STK16: variants seen among roughly 807,000 people sequenced by gnomAD.
The protein encoded by STK16 is serine/threonine-protein kinase 16.
A neutral mutation model predicts 37.8 loss-of-function variants in STK16; 28 were observed. The observed-to-expected ratio is 0.74, with a 90% CI of 0.55 to 1.02. The LOEUF (loss-of-function observed/expected upper bound fraction) is 1.02. STK16 is among the 50% of genes least tolerant of loss of function. STK16 has a pLI of 0.00. For missense variants in STK16, 349 were observed against 390.6 expected, an observed-to-expected ratio of 0.89 and a Z score of 0.90; for synonymous variants, 134 against 155.0, an observed-to-expected ratio of 0.86 and a Z score of 1.01.
Position 219,246,411 on chromosome 2 carries a change from G to T in STK16, c.87-246G>T, listed in dbSNP as rs966394456. 6 of 614,062 alleles carry T rather than the reference G, an allele frequency of 9.8e-6. No individual in the cohort carries two copies. The highest frequency in any genetic ancestry group is 9.3e-5 in the African/African-American group (5 of 53,884). The allele number at this position is 614,062 out of a possible 1,614,324, so 38.0% of individuals were successfully genotyped here. ...GTTGACAAGTACTTGATAAGTGTTGGCTATTATTTATTTAGCATCTGTCAA... is the reference window on the plus strand; with the variant it reads ...GTTGACAAGTACTTGATAAGTGTTGTCTATTATTTATTTAGCATCTGTCAA... On this transcript the variant is annotated intron_variant, in intron 2 of 7. Transcript: ENST00000396738. The surrounding 1 kb of genome is among the most constrained non-coding windows in gnomAD (Gnocchi z 4.5).
At chr2:219,247,835 G>A in intron 6 of STK16, 78 bp downstream of exon 6, 1 of 1,428,358 alleles carries the variant, frequency 7.0e-7, no homozygotes, top group Non-Finnish European at 9.6e-7. Context: ...TAGGTTGTTG[G>A]TTTCTGTTGC....
At chr2:219,247,319 G>T (rs1345790783) in intron 4 of STK16, 73 bp downstream of exon 4, 3 of 1,609,378 alleles carry the variant, frequency 1.9e-6, no homozygotes, top group East Asian at 4.5e-5. Context: ...GGAGGTCTCT[G>T]TTCTCCCAAG....
chr2:219,247,914 C>A (rs1489190281), intron 6 of STK16, 157 bp downstream of exon 6: 1 of 849,284 alleles, frequency 1.2e-6, no homozygotes, highest in Admixed American at 2.0e-5. Flanking sequence ...GTCACTGATA[C>A]TGTACCCAGT....
chr2:219,248,329 A>G lies in STK16; in HGVS notation c.779+15A>G. 1 of 1,614,130 alleles carries G rather than the reference A, an allele frequency of 6.2e-7. No individual in the cohort carries two copies. Among genetic ancestry groups the G allele is most frequent in the South Asian group, 1.1e-5 (1 of 91,082 alleles). On this transcript the variant is annotated intron_variant, in intron 7 of 7. Coordinates refer to ENST00000396738, the MANE Select transcript of STK16 (RefSeq NM_001330213.2). ...CAAAGCCCCAGGTGAGTGAGCAACG[A>G]ATAGGGCATCAAGTGTTTCAGACTC...
intron 4 of STK16, 46 bp downstream of exon 4, chr2:219,247,292 C>T: frequency 6.2e-7 from 1 of 1,611,982 alleles, no homozygotes; most frequent in Non-Finnish European, 8.5e-7. Flanking sequence ...AGAGGAAGAG[C>T]CTCACCAGGA....
In STK16 at chr2:219,248,835, T is replaced by C; in HGVS notation, c.*276T>C. 1 of 361,738 alleles carries C rather than the reference T, an allele frequency of 2.8e-6. No individual in the cohort carries two copies. Among genetic ancestry groups the C allele is most frequent in the East Asian group, 4.8e-5 (1 of 20,842 alleles). 22.4% of individuals were successfully genotyped at this position (361,738 alleles called of 1,614,324 possible). A position where few individuals can be genotyped will look rare whatever the true frequency, so the allele number is the denominator to read the frequency against. Reference sequence around the variant, plus strand: ...TCTGAGCAGGACTGTTGAGCTCACATAGTGTTCTGACTCCAAATCTGGGAG... The same window carrying C: ...TCTGAGCAGGACTGTTGAGCTCACACAGTGTTCTGACTCCAAATCTGGGAG... On this transcript the variant is annotated 3_prime_UTR_variant, in exon 8 of 8. Transcript: ENST00000396738.
At position 219,246,142 on chromosome 2, in the gene STK16, C is replaced by A; in HGVS notation, c.86+57C>A. ...CAAGTTTATGATCATTGAAGGACAG[C>A]GGTGTGCATATGCTTGGGGCACAAG... On this transcript the variant is annotated intron_variant, in intron 2 of 7. Transcript: ENST00000396738. The surrounding 1 kb of genome is among the most constrained non-coding windows in gnomAD (Gnocchi z 4.5). The A allele has an allele frequency of 6.7e-7, 1 of 1,485,012 alleles. No homozygotes were observed. Among genetic ancestry groups the A allele is most frequent in the Non-Finnish European group, 9.4e-7 (1 of 1,067,782 alleles). The allele number at this position is 1,485,012 out of a possible 1,614,324, so 92.0% of individuals were successfully genotyped here.
rs747210024 is a variant in STK16 at position 219,246,006 on chromosome 2, C to T, written c.7C>T (p.His3Tyr). MG[H>Y]ALCVCSRGTV... is the part of the protein sequence containing the mutation. ...AGAGGATGACTGAGACATTATGGGC[C>T]ACGCGCTGTGTGTCTGCTCTCGGGG... The change falls in exon 2 of 8, where the codon CAC becomes TAC. Residue 3 changes from histidine to tyrosine, a missense_variant. Transcript: ENST00000396738. This position sits in a 1 kb window ranked among gnomAD's most constrained non-coding sequence, Gnocchi z 4.5. The T allele has an allele frequency of 6.2e-6, 10 of 1,613,450 alleles. 1 individual carries two copies. In the South Asian group the frequency reaches 9.9e-5, roughly 16 times the overall value.
rs1228877764 is a variant in STK16, at chr2:219,248,419, A to C, written c.780-2A>C. Reference sequence around the variant, plus strand: ...GGTCACCCTGGGCTCCTCCCTCCACAGGCATTCTTCAGCATTGCGGCAGCT... The same window carrying C: ...GGTCACCCTGGGCTCCTCCCTCCACCGGCATTCTTCAGCATTGCGGCAGCT... On this transcript the variant is annotated splice_acceptor_variant, in intron 7 of 7. Transcript: ENST00000396738. LOFTEE classifies it high-confidence loss of function. 2 of 1,613,576 alleles carry C rather than the reference A, an allele frequency of 1.2e-6. No homozygotes were observed. Among genetic ancestry groups the C allele is most frequent in the Non-Finnish European group, 1.7e-6 (2 of 1,179,728 alleles).
Position 219,248,554 on chromosome 2 carries a change from ATCTG to A in STK16, c.914_917del (p.Ile305LysfsTer6). The A allele has an allele frequency of 6.2e-7, 1 of 1,606,610 alleles. No homozygotes were observed. The highest frequency in any genetic ancestry group is 1.7e-5 in the Admixed American group (1 of 58,036). On this transcript the variant is annotated frameshift_variant and stop_lost, in exon 8 of 8. Coordinates refer to ENST00000396738, the MANE Select transcript of STK16 (RefSeq NM_001330213.2). LOFTEE classifies it high-confidence loss of function. ...AGCTCCTGGCCAACATACTACCCAA[ATCTG>A]AAAAAGCAGCATGTTGAGAAGATGG...
chr2:219,250,072 G>C lies in STK16; in HGVS notation c.*1513G>C, dbSNP rs984256326. ...CTCATCCTTCAACAGTTTGTGCCTG[G>C]ATTTTGGTCCTCATTTCCTCCCTAT... On this transcript the variant is annotated 3_prime_UTR_variant, in exon 8 of 8. Transcript: ENST00000396738. This position sits in a 1 kb window ranked among gnomAD's most constrained non-coding sequence, Gnocchi z 8.4. 6 of 401,498 alleles carry C rather than the reference G, an allele frequency of 1.5e-5. No homozygotes were observed. In the South Asian group the frequency reaches 2.4e-4, roughly 16 times the overall value. 24.9% of individuals were successfully genotyped at this position (401,498 alleles called of 1,614,324 possible).
rs757094373 is a variant in STK16, at chr2:219,246,788, A to G, written c.218A>G (p.Asn73Ser). The change falls in exon 3 of 8, where the codon AAT (asparagine) becomes AGT (serine). Residue 73 changes from asparagine (N) to serine (S), a missense_variant. Transcript: ENST00000396738. This position sits in a 1 kb window ranked among gnomAD's most constrained non-coding sequence, Gnocchi z 4.5. Reference protein sequence around the residue: ...QREADMHRLFNHPNILRLVAY... With the variant: ...QREADMHRLFSHPNILRLVAY... ...GAAGCCGACATGCATCGCCTCTTCA[A>G]TCACCCCAACATCCTTCGCCTCGTG... 12 of 1,614,118 alleles carry G rather than the reference A, an allele frequency of 7.4e-6. No homozygotes were observed. The highest frequency in any genetic ancestry group is 2.2e-5 in the East Asian group (1 of 44,896).
In STK16 at chr2:219,248,306, A is replaced by G; in HGVS notation, c.771A>G (p.Gln257=). The change falls in exon 7 of 8, where the codon CAA becomes CAG. Residue 257 remains glutamine (Q), a synonymous_variant. Transcript: ENST00000396738. ...LAVQNQLSIP[Q]SPRHSSALRQ... is the part of the protein sequence containing the mutation. ...TGCAGAACCAACTCAGCATCCCACA[A>G]AGCCCCAGGTGAGTGAGCAACGAAT... 2 of 1,614,130 alleles carry G rather than the reference A, an allele frequency of 1.2e-6. No individual in the cohort carries two copies. The highest frequency in any genetic ancestry group is 1.7e-6 in the Non-Finnish European group (2 of 1,180,006).
chr2:219,248,585 C>T lies in STK16; in HGVS notation c.*26C>T. ...AAAAGCAGCATGTTGAGAAGATGGC[C>T]CCTTGTGCCTTGGAAAGAGGTTCCC... On this transcript the variant is annotated 3_prime_UTR_variant, in exon 8 of 8. Transcript: ENST00000396738. 3 of 1,584,888 alleles carry T rather than the reference C, an allele frequency of 1.9e-6. No homozygotes were observed. Among genetic ancestry groups the T allele is most frequent in the African/African-American group, 2.7e-5 (2 of 73,960 alleles).
At position 219,248,487 on chromosome 2, in the gene STK16, C is replaced by T. The variant is rs1951587276; in HGVS notation, c.846C>T (p.His282=). 1 of 1,614,084 alleles carries T rather than the reference C, an allele frequency of 6.2e-7. No individual in the cohort carries two copies. Among genetic ancestry groups the T allele is most frequent in the Non-Finnish European group, 8.5e-7 (1 of 1,179,936 alleles). Residue 282 remains histidine, a synonymous_variant, in exon 8 of 8, where the codon CAC becomes CAT. Coordinates refer to ENST00000396738, the MANE Select transcript of STK16 (RefSeq NM_001330213.2). ...MMTVDPHQRP[H]IPLLLSQLEA... ...CCGTGGACCCGCATCAGCGTCCTCA[C>T]ATTCCTCTCCTCCTCAGTCAGCTGG...
rs532171329 is a variant in STK16, at chr2:219,247,513, C to T, written c.539C>T (p.Ser180Phe). 4 of 1,614,198 alleles carry T rather than the reference C, an allele frequency of 2.5e-6. No homozygotes were observed. The highest frequency in any genetic ancestry group is 2.2e-5 in the East Asian group (1 of 44,888). ...MNQACIHVEG[S>F]RQALTLQDWA... ...CAAGCATGCATCCATGTGGAGGGCTCCCGCCAGGCTCTGACCCTGCAGGTA... is the reference window on the plus strand; with the variant it reads ...CAAGCATGCATCCATGTGGAGGGCTTCCGCCAGGCTCTGACCCTGCAGGTA... Residue 180 changes from serine to phenylalanine, a missense_variant, in exon 5 of 8, where the codon TCC becomes TTC. Ser to Phe is a radical substitution (Grantham distance 155). Coordinates refer to ENST00000396738, the MANE Select transcript of STK16 (RefSeq NM_001330213.2).
In STK16 at chr2:219,248,488, A is replaced by G. The variant is rs1166868797; in HGVS notation, c.847A>G (p.Ile283Val). The G allele has an allele frequency of 6.2e-7, 1 of 1,613,874 alleles. No individual in the cohort carries two copies. Among genetic ancestry groups the G allele is most frequent in the Admixed American group, 1.7e-5 (1 of 59,998 alleles). Residue 283 changes from isoleucine (I) to valine (V), a missense_variant, in exon 8 of 8, where the codon ATT (isoleucine) becomes GTT (valine). By Grantham distance (29) the Ile-to-Val change is conservative. Transcript: ENST00000396738. ...MTVDPHQRPH[I>V]PLLLSQLEAL... is the part of the protein sequence containing the mutation. ...CGTGGACCCGCATCAGCGTCCTCAC[A>G]TTCCTCTCCTCCTCAGTCAGCTGGA...
chr2:219,248,662 G>C lies in STK16; in HGVS notation c.*103G>C. The C allele has an allele frequency of 6.9e-7, 1 of 1,446,782 alleles. No homozygotes were observed. The highest frequency in any genetic ancestry group is 1.4e-5 in the African/African-American group (1 of 70,044). 89.6% of individuals were successfully genotyped at this position (1,446,782 alleles called of 1,614,324 possible). On this transcript the variant is annotated 3_prime_UTR_variant, in exon 8 of 8. Transcript: ENST00000396738. The stretch of plus-strand genomic sequence containing the variant: ...CCATCCAGGACTTCTCTTACACTTG[G>C]GGGTAGCGGGGTCAGGACAATCATC...
rs529660363 is a variant in STK16 at position 219,246,806 on chromosome 2, G to A, written c.236G>A (p.Arg79His). 9.9e-6 allele frequency: 16 copies of A among 1,614,168 alleles called. No individual in the cohort carries two copies. In the African/African-American group the frequency reaches 1.6e-4, roughly 16 times the overall value. The change falls in exon 3 of 8, where the codon CGC becomes CAC. Residue 79 changes from arginine to histidine, a missense_variant. By Grantham distance (29) the Arg-to-His change is conservative. Transcript: ENST00000396738. This position sits in a 1 kb window ranked among gnomAD's most constrained non-coding sequence, Gnocchi z 4.5. The part of the protein sequence containing the change: ...HRLFNHPNIL[R>H]LVAYCLRERG... ...CTCTTCAATCACCCCAACATCCTTC[G>A]CCTCGTGGCTTACTGTCTGAGGGAA...
Sources: gnomAD v4.1 joint callset for allele counts on GRCh38, gnomAD v4.1.1 for gene constraint, Gnocchi (gnomAD v3.1) non-coding constraint, MANE v1.5 for transcripts, NCBI Gene and HGNC (gene_info 2026-07-23, HGNC 2026-07-21) for gene names.